BCAS3: variants seen among roughly 807,000 people sequenced by gnomAD.
BCAS3 encodes BCAS4/BCAS3 fusion.
BCAS3 carries 53 observed loss-of-function variants against 116.1 expected under a neutral mutation model. The observed-to-expected ratio is 0.46, with a 90% CI of 0.37 to 0.57. The LOEUF (loss-of-function observed/expected upper bound fraction) is 0.57. Ranked by LOEUF, BCAS3 falls within the 20% of genes least tolerant of loss-of-function variation. BCAS3 has a pLI of 0.00. For missense variants in BCAS3, 917 were observed against 1,165.4 expected (o/e 0.79, Z 3.10); for synonymous variants, 391 against 408.2 (o/e 0.96, Z 0.51).
At chr17:61,121,118 TG>T (rs2075766496) in intron 22 of BCAS3, among the ~76,000 whole-genome samples, 1 of 152,192 alleles carries the variant, frequency 6.6e-6, no homozygotes, top group African/African-American at 2.4e-5. Flanking sequence ...CATGGGCACT[TG>T]AAAAAAAGGG....
chr17:60,887,785 G>T (rs919350150), intron 9 of BCAS3, among the ~76,000 whole-genome samples: 17 of 152,092 alleles, frequency 1.1e-4, no homozygotes, highest in African/African-American at 4.1e-4. Context: ...ATGAATTCAG[G>T]TCACCTCTCC....
chr17:61,282,144 A>G lies in BCAS3; in HGVS notation c.2426-86183A>G, dbSNP rs2051296851. On this transcript the variant is annotated intron_variant, in intron 22 of 23. Transcript: ENST00000407086. This position sits in a 1 kb window ranked among gnomAD's most constrained non-coding sequence, Gnocchi z 5.9. ...TATGAGAAAGTCCTTTTTAAAGTAT[A>G]AAGAAATTATTTGGGACAGTTTTTC... Among the ~76,000 whole-genome samples, 1 of 152,258 alleles carries G rather than the reference A, an allele frequency of 6.6e-6. No homozygotes were observed. Among genetic ancestry groups the G allele is most frequent in the African/African-American group, 2.4e-5 (1 of 41,472 alleles).
intron 22 of BCAS3, among the ~76,000 whole-genome samples, chr17:61,121,243 T>G (rs1191818873): frequency 6.6e-6 from 1 of 152,188 alleles, no homozygotes; most frequent in Non-Finnish European, 1.5e-5. Context: ...TATATAGATA[T>G]ATCAGCTGTT....
rs572764925 is a variant in BCAS3 at position 61,186,734 on chromosome 17, G to C, written c.2425+102170G>C. 6.7e-6 allele frequency among the ~76,000 whole-genome samples: 1 copy of C among 149,128 alleles called. No homozygotes were observed. The highest frequency in any genetic ancestry group is 1.5e-5 in the Non-Finnish European group (1 of 67,574). On this transcript the variant is annotated intron_variant, in intron 22 of 23. Coordinates refer to ENST00000407086, the MANE Select transcript of BCAS3 (RefSeq NM_017679.5). This position sits in a 1 kb window ranked among gnomAD's most constrained non-coding sequence, Gnocchi z 4.9. ...AACAGTTGTTTTTTTTTTTTGAGAC[G>C]GAGTCTCGCTCTGTCGCCCAGGTTG...
chr17:60,819,224 A>T (rs896988536), intron 7 of BCAS3, among the ~76,000 whole-genome samples: 1 of 152,186 alleles, frequency 6.6e-6, no homozygotes, highest in Non-Finnish European at 1.5e-5. Flanking sequence ...TTGTTTGGTG[A>T]TAAGGCAAAG....
Position 61,388,350 on chromosome 17 carries a change from C to T in BCAS3, c.2594-3627C>T, listed in dbSNP as rs2143671793. The T allele has an allele frequency of 9.3e-6, 4 of 432,094 alleles. No homozygotes were observed. In the South Asian group the frequency reaches 1.1e-4, roughly 12 times the overall value. The allele number at this position is 432,094 out of a possible 1,614,324, so 26.8% of individuals were successfully genotyped here. On this transcript the variant is annotated intron_variant, in intron 23 of 23. Transcript: ENST00000407086. This position sits in a 1 kb window ranked among gnomAD's most constrained non-coding sequence, Gnocchi z 6.5. Reference sequence around the variant, plus strand: ...TCCTAAAACTGTTCTTCATGTTGAACCTGTGACTCCTCTCCCCCTCCCCCA... The same window carrying T: ...TCCTAAAACTGTTCTTCATGTTGAATCTGTGACTCCTCTCCCCCTCCCCCA...
chr17:61,095,120 C>T lies in BCAS3; in HGVS notation c.2425+10556C>T, dbSNP rs1389985731. On this transcript the variant is annotated intron_variant, in intron 22 of 23. Coordinates refer to ENST00000407086, the MANE Select transcript of BCAS3 (RefSeq NM_017679.5). This position sits in a 1 kb window ranked among gnomAD's most constrained non-coding sequence, Gnocchi z 4.7. ...GGATCATATCAAGGAAGAATATCCC[C>T]AGAACCTGAAAATGCTATTAATATA... Among the ~76,000 whole-genome samples, 4 of 152,154 alleles carry T rather than the reference C, an allele frequency of 2.6e-5. No individual in the cohort carries two copies. The highest frequency in any genetic ancestry group is 2.6e-4 in the Admixed American group (4 of 15,278).
chr17:61,152,681 T>C (rs1470761003), intron 22 of BCAS3, among the ~76,000 whole-genome samples: 1 of 152,068 alleles, frequency 6.6e-6, no homozygotes, highest in African/African-American at 2.4e-5. Context: ...ATTATTAATA[T>C]TATTGTAAAG....
chr17:60,701,817 A>AAAAGAAAAAAAAAG (rs1300777256), intron 4 of BCAS3, among the ~76,000 whole-genome samples: 1 of 149,142 alleles, frequency 6.7e-6, no homozygotes, highest in African/African-American at 2.5e-5. Context: ...AAAAAAAAAA[A>AAAAGAAAAAAAAAG]AAAAGAAAAA....
At chr17:61,193,779 A>G (rs1226648623) in intron 22 of BCAS3, among the ~76,000 whole-genome samples, 1 of 147,644 alleles carries the variant, frequency 6.8e-6, no homozygotes, top group South Asian at 2.1e-4. Context: ...AAAAAAAAAA[A>G]AAAAAAGATT....
rs916258808 is a variant in BCAS3, at chr17:61,324,646, C to G, written c.2426-43681C>G. ...GCCTGGCGTCCAGCCCTGCCAGCCA[C>G]TAGCTGTTTGACCTTGGCTGAGTCA... On this transcript the variant is annotated intron_variant, in intron 22 of 23. Transcript: ENST00000407086. The surrounding 1 kb of genome is among the most constrained non-coding windows in gnomAD (Gnocchi z 4.6). Among the ~76,000 whole-genome samples the G allele has an allele frequency of 6.6e-6, 1 of 152,174 alleles. No individual in the cohort carries two copies. The highest frequency in any genetic ancestry group is 2.4e-5 in the African/African-American group (1 of 41,434).
At chr17:60,714,644 C>A (rs1049631048) in intron 5 of BCAS3, among the ~76,000 whole-genome samples, 1 of 152,172 alleles carries the variant, frequency 6.6e-6, no homozygotes, top group African/African-American at 2.4e-5. Flanking sequence ...CAGAGTGAGA[C>A]TGTCTCATAA....
At chr17:61,375,961 G>A (rs1485834518) in intron 23 of BCAS3, among the ~76,000 whole-genome samples, 2 of 152,186 alleles carry the variant, frequency 1.3e-5, no homozygotes, top group East Asian at 3.8e-4. Context: ...GAAAGTAGTT[G>A]ACCACATTTG....
intron 19 of BCAS3, among the ~76,000 whole-genome samples, chr17:61,044,465 A>AAAAAAATATATATATATATATATATATAT: frequency 8.3e-6 from 1 of 120,122 alleles, no homozygotes; most frequent in Non-Finnish European, 1.5e-5. Context: ...AAAAAAAAAA[A>AAAAAAATATATATATATATATATATATAT]ATATATATAT....
Position 61,391,101 on chromosome 17 carries a change from C to T in BCAS3, c.2594-876C>T, listed in dbSNP as rs1195106585. The T allele has an allele frequency of 1.3e-5, 2 of 152,370 alleles. No homozygotes were observed. Among genetic ancestry groups the T allele is most frequent in the East Asian group, 3.9e-4 (2 of 5,174 alleles). The allele number at this position is 152,370 out of a possible 1,614,324, so 9.4% of individuals were successfully genotyped here. On this transcript the variant is annotated intron_variant, in intron 23 of 23. Transcript: ENST00000407086. This position sits in a 1 kb window ranked among gnomAD's most constrained non-coding sequence, Gnocchi z 7.7. ...GGAATTCCATTCCCAACCCACCTAC[C>T]CCAGGACCTGACTTGGGTCAAGAGA...
chr17:61,043,927 C>T (rs1040022501), intron 19 of BCAS3, among the ~76,000 whole-genome samples: 4 of 152,014 alleles, frequency 2.6e-5, no homozygotes, highest in South Asian at 2.1e-4. Flanking sequence ...AGGAGGTGCT[C>T]ATTAAAATTT....
chr17:60,904,272 C>T (rs1023480422), intron 11 of BCAS3, among the ~76,000 whole-genome samples: 7 of 151,962 alleles, frequency 4.6e-5, no homozygotes, highest in African/African-American at 9.7e-5. Context: ...GGCATGGTGG[C>T]GGGTGCCTGT....
In BCAS3 at chr17:61,279,020, G is replaced by A. The variant is rs1487062349; in HGVS notation, c.2426-89307G>A. ...GGCTGGAGTACAGTGGCATGTCTGG[G>A]CTCACTGCAACCTCCTCCCAGATTC... On this transcript the variant is annotated intron_variant, in intron 22 of 23. Transcript: ENST00000407086. This position sits in a 1 kb window ranked among gnomAD's most constrained non-coding sequence, Gnocchi z 4.4. Among the ~76,000 whole-genome samples, 2 of 151,514 alleles carry A rather than the reference G, an allele frequency of 1.3e-5. No individual in the cohort carries two copies. The highest frequency in any genetic ancestry group is 2.4e-5 in the African/African-American group (1 of 41,238).
Position 61,224,468 on chromosome 17 carries a change from A to G in BCAS3, c.2425+139904A>G, listed in dbSNP as rs972999239. On this transcript the variant is annotated intron_variant, in intron 22 of 23. Coordinates refer to ENST00000407086, the MANE Select transcript of BCAS3 (RefSeq NM_017679.5). This position sits in a 1 kb window ranked among gnomAD's most constrained non-coding sequence, Gnocchi z 5.7. ...ACAGTGCTCGGAAAACAGGGTGTAC[A>G]TATGGGGACGAGCAGGTGGTTTGGT... Among the ~76,000 whole-genome samples the G allele has an allele frequency of 6.6e-6, 1 of 152,236 alleles. No individual in the cohort carries two copies. Among genetic ancestry groups the G allele is most frequent in the Non-Finnish European group, 1.5e-5 (1 of 68,044 alleles).
Sources: gnomAD v4.1 joint callset for allele counts (sites outside exome capture counted in the v4.1 genomes callset) on GRCh38, gnomAD v4.1.1 for gene constraint, Gnocchi (gnomAD v3.1) non-coding constraint, MANE v1.5 for transcripts, NCBI Gene and HGNC (gene_info 2026-07-23, HGNC 2026-07-21) for gene names.